The following SLC1A5 variants were observed in gnomAD, a reference collection of about 807,000 sequenced individuals.
SLC1A5 encodes the protein neutral amino acid transporter B(0).
In SLC1A5, 25 loss-of-function variants were observed where a neutral mutation model predicts 34.9. The observed-to-expected ratio is 0.72, with a 90% CI of 0.52 to 1.00. The LOEUF is 1.00. SLC1A5 is among the 50% of genes least tolerant of loss of function. The probability of loss-of-function intolerance (pLI) is 0.00; values close to 1 mark genes in which losing one functional copy is unlikely to be tolerated. For missense variants in SLC1A5, 637 were observed against 740.0 expected (o/e 0.86, Z 1.61); for synonymous variants, 351 against 341.2 (o/e 1.03, Z -0.32).
Position 46,787,722 on chromosome 19 carries a change from C to T in SLC1A5, c.244G>A (p.Gly82Ser), listed in dbSNP as rs1302198159. ...ACGAAGGCGCTCAAGCGCTCCGGGCCCAACGCCAGCGCACCCCCGGCCCCC... is the reference window on the plus strand; with the variant it reads ...ACGAAGGCGCTCAAGCGCTCCGGGCTCAACGCCAGCGCACCCCCGGCCCCC... Reference protein sequence around the residue: ...VSGAGGALALGPERLSAFVFP... With the variant: ...VSGAGGALALSPERLSAFVFP... The change falls in exon 1 of 8, where the codon GGC becomes AGC. Residue 82 changes from glycine (G) to serine (S), a missense_variant. Gly to Ser is a moderately conservative substitution (Grantham distance 56). Transcript: ENST00000542575. This position sits in a 1 kb window ranked among gnomAD's most constrained non-coding sequence, Gnocchi z 5.2. The T allele has an allele frequency of 1.3e-6, 2 of 1,570,334 alleles. No homozygotes were observed. The highest frequency in any genetic ancestry group is 4.6e-5 in the East Asian group (2 of 43,418).
chr19:46,781,567 C>T (rs1264857700), intron 4 of SLC1A5, among the ~76,000 whole-genome samples: 2 of 152,152 alleles, frequency 1.3e-5, no homozygotes, highest in African/African-American at 4.8e-5. Context: ...CATTGCACTC[C>T]AGCCTGGGCA....
rs753145096 is a variant in SLC1A5, at chr19:46,782,569, C to A, written c.658-20G>T. 6.2e-7 allele frequency: 1 copy of A among 1,613,266 alleles called. No individual in the cohort carries two copies. Among genetic ancestry groups the A allele is most frequent in the Non-Finnish European group, 8.5e-7 (1 of 1,179,668 alleles). On this transcript the variant is annotated intron_variant, in intron 3 of 7. Transcript: ENST00000542575. The stretch of plus-strand genomic sequence containing the variant: ...GGGCACCTGTGGGCAAGGAACAGAT[C>A]GGGGTGGAAAGGACACTCAGTCTAC...
At position 46,778,673 on chromosome 19, in the gene SLC1A5, A is replaced by G; in HGVS notation, c.1058+2T>C. The G allele has an allele frequency of 7.9e-7, 1 of 1,267,722 alleles. No homozygotes were observed. The highest frequency in any genetic ancestry group is 1.1e-6 in the Non-Finnish European group (1 of 889,260). 78.5% of individuals were successfully genotyped at this position (1,267,722 alleles called of 1,614,324 possible). ...CCACCCTAGCCCACCCCAAGGCCGT[A>G]CCTGGAAGAGGTCCCAAAGGCAGTG... On this transcript the variant is annotated splice_donor_variant, in intron 5 of 7. Transcript: ENST00000542575. LOFTEE classifies it high-confidence loss of function.
chr19:46,787,390 G>A lies in SLC1A5; in HGVS notation c.566+10C>T. ...ACTCTTCCCCACCTCCCGGGGGAGC[G>A]GGAGCTGACCTCGCAAGATCCAGGA... On this transcript the variant is annotated intron_variant, in intron 1 of 7. Transcript: ENST00000542575. The surrounding 1 kb of genome is among the most constrained non-coding windows in gnomAD (Gnocchi z 5.2). 4.4e-6 allele frequency: 7 copies of A among 1,586,588 alleles called. 1 individual carries two copies. In the Admixed American group the frequency reaches 7.2e-5, roughly 16 times the overall value.
rs2055199667 is a variant in SLC1A5, at chr19:46,788,028, C to G, written c.-63G>C. On this transcript the variant is annotated 5_prime_UTR_variant, in exon 1 of 8. Transcript: ENST00000542575. The stretch of plus-strand genomic sequence containing the variant: ...GGCTGGGAGCGCTTGGGCTCCTTCC[C>G]AGGACCCGACGTTCCTAGGACTGAG... The G allele has an allele frequency of 4.9e-6, 7 of 1,436,722 alleles. No individual in the cohort carries two copies. In the South Asian group the frequency reaches 1.0e-4, roughly 21 times the overall value. The allele number at this position is 1,436,722 out of a possible 1,614,324, so 89.0% of individuals were successfully genotyped here. A position where few individuals can be genotyped will look rare whatever the true frequency, so the allele number is the denominator to read the frequency against.
In SLC1A5 at chr19:46,787,631, A is replaced by G. The variant is rs1474107154; in HGVS notation, c.335T>C (p.Leu112Ser). 4 of 1,576,526 alleles carry G rather than the reference A, an allele frequency of 2.5e-6. No homozygotes were observed. Among genetic ancestry groups the G allele is most frequent in the South Asian group, 1.1e-5 (1 of 87,390 alleles). ...MIILPLVVCS[L>S]IGGAASLDPG... Reference sequence around the variant, plus strand: ...GTCCAGGCTGGCGGCGCCGCCGATCAAGCTGCACACCACCAGCGGCAAGAT... The same window carrying G: ...GTCCAGGCTGGCGGCGCCGCCGATCGAGCTGCACACCACCAGCGGCAAGAT... The change falls in exon 1 of 8, where the codon TTG becomes TCG. Residue 112 changes from leucine (L) to serine (S), a missense_variant. Physicochemically the swap from Leu to Ser is moderately radical, Grantham distance 145. Coordinates refer to ENST00000542575, the MANE Select transcript of SLC1A5 (RefSeq NM_005628.3). The surrounding 1 kb of genome is among the most constrained non-coding windows in gnomAD (Gnocchi z 5.2).
chr19:46,777,284 G>A lies in SLC1A5; in HGVS notation c.1180C>T (p.Gln394Ter). The change falls in exon 6 of 8, where the codon CAG (glutamine) becomes TAG (stop). Residue 394 changes from glutamine (Q) to a stop codon, truncating the protein, a stop_gained. Coordinates refer to ENST00000542575, the MANE Select transcript of SLC1A5 (RefSeq NM_005628.3). LOFTEE classifies it high-confidence loss of function. ...GCAATGAACACTGCGGCCACGCACT[G>A]GAAGAGCGCGGCACCGTCCATGTTG... Reference protein sequence around the residue: ...TVNMDGAALFQCVAAVFIAQL... With the variant: ...TVNMDGAALF 1 of 1,613,654 alleles carries A rather than the reference G, an allele frequency of 6.2e-7. No individual in the cohort carries two copies. The highest frequency in any genetic ancestry group is 8.5e-7 in the Non-Finnish European group (1 of 1,179,934).
chr19:46,778,666 A>G lies in SLC1A5; in HGVS notation c.1058+9T>C. ...AAACATCCCACCCTAGCCCACCCCA[A>G]GGCCGTACCTGGAAGAGGTCCCAAA... On this transcript the variant is annotated intron_variant, in intron 5 of 7. Coordinates refer to ENST00000542575, the MANE Select transcript of SLC1A5 (RefSeq NM_005628.3). The G allele has an allele frequency of 6.5e-7, 1 of 1,535,702 alleles. No homozygotes were observed. The highest frequency in any genetic ancestry group is 1.1e-5 in the South Asian group (1 of 88,814).
chr19:46,780,142 G>A (rs1053553637), intron 4 of SLC1A5, among the ~76,000 whole-genome samples: 8 of 151,568 alleles, frequency 5.3e-5, no homozygotes, highest in Admixed American at 2.6e-4. Flanking sequence ...ATGAGCCTCC[G>A]TACTGGGCCA....
intron 3 of SLC1A5, 52 bp downstream of exon 3, chr19:46,784,045 T>C: frequency 6.8e-7 from 1 of 1,476,032 alleles, no homozygotes; most frequent in African/African-American, 1.4e-5. Context: ...AACCAAAAAA[T>C]TATAGCAATA....
At chr19:46,784,601 G>A in intron 1 of SLC1A5, 42 bp from the exon 2 acceptor site, 1 of 1,613,996 alleles carries the variant, frequency 6.2e-7, no homozygotes, top group Non-Finnish European at 8.5e-7. Context: ...ATACCATAGT[G>A]GGAGGGCAGC....
At chr19:46,783,877 G>A (rs969809846) in intron 3 of SLC1A5, among the ~76,000 whole-genome samples, 1 of 151,994 alleles carries the variant, frequency 6.6e-6, no homozygotes, top group African/African-American at 2.4e-5. Context: ...AGCATGGAAT[G>A]GGGTTGGGGG....
At chr19:46,777,185 C>T in intron 6 of SLC1A5, 26 bp downstream of exon 6, 1 of 1,600,970 alleles carries the variant, frequency 6.2e-7, no homozygotes, top group Non-Finnish European at 8.5e-7. Context: ...GTCCGGGGGT[C>T]CCATCCGCAG....
At position 46,775,537 on chromosome 19, in the gene SLC1A5, G is replaced by A. The variant is rs774241055; in HGVS notation, c.1599C>T (p.Val533=). ...ACATGACTGATTCCTTCTCAGAGGC[G>A]ACCGTGGCATCCCCTGCGGGCCCCC... ...HYRGPAGDAT[V]ASEKESVM is the part of the protein sequence containing the mutation. The change falls in exon 8 of 8, where the codon GTC becomes GTT. Residue 533 remains valine (V), a synonymous_variant. Coordinates refer to ENST00000542575, the MANE Select transcript of SLC1A5 (RefSeq NM_005628.3). The A allele has an allele frequency of 6.8e-5, 110 of 1,613,106 alleles. No individual in the cohort carries two copies. Among genetic ancestry groups the A allele is most frequent in the Non-Finnish European group, 8.0e-5 (94 of 1,179,438 alleles).
In SLC1A5 at chr19:46,787,541, G is replaced by C. The variant is rs775151809; in HGVS notation, c.425C>G (p.Ala142Gly). The stretch of plus-strand genomic sequence containing the variant: ...CGCCAAGCCCACTCCGAGCGCCGAC[G>C]CCAGCAGCGTGGTGACCAGGAAAAA... ...LLFFLVTTLL[A>G]SALGVGLALA... The change falls in exon 1 of 8, where the codon GCG (alanine) becomes GGG (glycine). Residue 142 changes from alanine to glycine, a missense_variant. Transcript: ENST00000542575. This position sits in a 1 kb window ranked among gnomAD's most constrained non-coding sequence, Gnocchi z 5.2. 8.3e-6 allele frequency: 13 copies of C among 1,573,160 alleles called. No homozygotes were observed. Among genetic ancestry groups the C allele is most frequent in the Non-Finnish European group, 1.0e-5 (12 of 1,160,578 alleles).
chr19:46,786,406 A>C (rs1393746053), intron 1 of SLC1A5, among the ~76,000 whole-genome samples: 1 of 152,112 alleles, frequency 6.6e-6, no homozygotes, highest in Non-Finnish European at 1.5e-5. Context: ...TGCCTGCCTG[A>C]AGGTCCGCCT....
Position 46,775,669 on chromosome 19 carries a change from C to T in SLC1A5, c.1467G>A (p.Thr489=), listed in dbSNP as rs1568426973. 15 of 1,613,992 alleles carry T rather than the reference C, an allele frequency of 9.3e-6. No homozygotes were observed. The highest frequency in any genetic ancestry group is 1.7e-5 in the Admixed American group (1 of 59,968). ...AGLLQNYVDR[T]ESRSTEPELI... ...ACTCAGGCTCTGTGCTTCTCGACTC[C>T]GTACGGTCCACGTAATTTTGGAGGA... The change falls in exon 8 of 8, where the codon ACG becomes ACA. Residue 489 remains threonine (T), a synonymous_variant. Coordinates refer to ENST00000542575, the MANE Select transcript of SLC1A5 (RefSeq NM_005628.3).
Position 46,778,708 on chromosome 19 carries a change from G to C in SLC1A5, c.1025C>G (p.Thr342Arg), listed in dbSNP as rs778634582. The C allele has an allele frequency of 1.9e-6, 3 of 1,612,384 alleles. No homozygotes were observed. The highest frequency in any genetic ancestry group is 2.5e-6 in the Non-Finnish European group (3 of 1,179,054). ...GGTCCCAAAGGCAGTGGCCAGCGGC[G>C]TCACGATGCCCCACAGGAAGCGGTA... ...NPYRFLWGIVTPLATAFGTSS... is the reference protein window; with the variant it reads ...NPYRFLWGIVRPLATAFGTSS... Residue 342 changes from threonine (T) to arginine (R), a missense_variant, in exon 5 of 8, where the codon ACG becomes AGG. Transcript: ENST00000542575.
chr19:46,787,766 G>T lies in SLC1A5; in HGVS notation c.200C>A (p.Ala67Glu). ...LTVVAVVAGVALGLGVSGAGG... is the reference protein window; with the variant it reads ...LTVVAVVAGVELGLGVSGAGG... ...GGCCCCCGACACCCCCAGTCCCAGC[G>T]CCACGCCGGCCACCACGGCCACCAC... is the stretch of plus-strand genomic sequence containing the variant. The change falls in exon 1 of 8, where the codon GCG becomes GAG. Residue 67 changes from alanine to glutamate, a missense_variant. Ala to Glu is a moderately radical substitution (Grantham distance 107). Transcript: ENST00000542575. This position sits in a 1 kb window ranked among gnomAD's most constrained non-coding sequence, Gnocchi z 5.2. 1 of 1,549,240 alleles carries T rather than the reference G, an allele frequency of 6.5e-7. No individual in the cohort carries two copies. Among genetic ancestry groups the T allele is most frequent in the Non-Finnish European group, 8.7e-7 (1 of 1,150,398 alleles).
Sources: gnomAD v4.1 joint callset for allele counts (sites outside exome capture counted in the v4.1 genomes callset) on GRCh38, gnomAD v4.1.1 for gene constraint, Gnocchi (gnomAD v3.1) non-coding constraint, MANE v1.5 for transcripts, NCBI Gene and HGNC (gene_info 2026-07-23, HGNC 2026-07-21) for gene names.